Variants in TOX3 observed in about 807,000 individuals in gnomAD.
TOX3 encodes the protein TOX high mobility group box family member 3.
In TOX3, 22 loss-of-function variants were observed where a neutral mutation model predicts 64.3. That is an observed-to-expected ratio of 0.34 (90% CI 0.24 to 0.49). The LOEUF is 0.49. Ranked by LOEUF, TOX3 falls within the 20% of genes least tolerant of loss-of-function variation. The pLI, the probability that TOX3 is intolerant of heterozygous loss-of-function variation, is 0.99. For missense variants in TOX3, 661 were observed against 714.4 expected (o/e 0.93, Z 0.85); for synonymous variants, 291 against 273.6 (o/e 1.06, Z -0.63).
intron 1 of TOX3, among the ~76,000 whole-genome samples, chr16:52,537,807 G>A (rs1962987727): frequency 6.7e-6 from 1 of 149,712 alleles, no homozygotes; most frequent in African/African-American, 2.5e-5. Flanking sequence ...AAGAGGCTGA[G>A]CTGTGAGAAT....
At chr16:52,522,628 G>C (rs1211215020) in intron 1 of TOX3, among the ~76,000 whole-genome samples, 2 of 152,126 alleles carry the variant, frequency 1.3e-5, no homozygotes, top group Admixed American at 6.5e-5. Context: ...TGCAGGACAG[G>C]GTGACAGCTG....
intron 6 of TOX3, among the ~76,000 whole-genome samples, chr16:52,440,583 C>T (rs940534958): frequency 1.7e-4 from 26 of 152,052 alleles, no homozygotes; most frequent in South Asian, 2.1e-4. Context: ...TCTGTACTAA[C>T]GACTTTACCA....
At chr16:52,482,298 T>G (rs749635952) in intron 1 of TOX3, among the ~76,000 whole-genome samples, 23 of 152,208 alleles carry the variant, frequency 1.5e-4, no homozygotes, top group Non-Finnish European at 2.8e-4. Flanking sequence ...CACTGCATAC[T>G]AATACATTTA....
At chr16:52,506,126 A>C (rs2151467996) in intron 1 of TOX3, among the ~76,000 whole-genome samples, 1 of 152,258 alleles carries the variant, frequency 6.6e-6, no homozygotes, top group African/African-American at 2.4e-5. Flanking sequence ...TTAAATGCTA[A>C]GGCTATTTTA....
At chr16:52,445,784 T>C (rs1323649799) in intron 5 of TOX3, 3 of 540,704 alleles carry the variant, frequency 5.5e-6, no homozygotes, top group Admixed American at 3.4e-5. Flanking sequence ...GAATGGGTTC[T>C]GAACATGCAC....
chr16:52,538,898 T>C (rs1172912417), intron 1 of TOX3, among the ~76,000 whole-genome samples: 3 of 152,086 alleles, frequency 2.0e-5, no homozygotes, highest in African/African-American at 4.8e-5. Context: ...AGGGATAAGA[T>C]TAACCTGTGA....
chr16:52,450,576 A>T (rs746568952), intron 3 of TOX3, 30 bp from the exon 4 acceptor site: 1 of 1,612,294 alleles, frequency 6.2e-7, no homozygotes, highest in South Asian at 1.1e-5. Flanking sequence ...GGGGGAAAAT[A>T]TTTCAGCTTT....
At chr16:52,480,412 G>T (rs1220218410) in intron 1 of TOX3, among the ~76,000 whole-genome samples, 12 of 152,138 alleles carry the variant, frequency 7.9e-5, no homozygotes, top group Non-Finnish European at 2.9e-5. Context: ...AAGGACCTTA[G>T]AGACTTTCTG....
In TOX3 at chr16:52,444,297, G is replaced by A. The variant is rs1183718424; in HGVS notation, c.966C>T (p.Tyr322=). 6 of 1,586,412 alleles carry A rather than the reference G, an allele frequency of 3.8e-6. No individual in the cohort carries two copies. The highest frequency in any genetic ancestry group is 1.7e-5 in the Admixed American group (1 of 57,348). The change falls in exon 6 of 7, where the codon TAC becomes TAT. Residue 322 remains tyrosine, a synonymous_variant. Transcript: ENST00000219746. ...KKEYLKALAA[Y]RASLVSKAAA... Reference sequence around the variant, plus strand: ...TTACCTTAGAAACGAGGCTGGCCCTGTATGCCGCCAGGGCCTTCAGGTATT... The same window carrying A: ...TTACCTTAGAAACGAGGCTGGCCCTATATGCCGCCAGGGCCTTCAGGTATT...
intron 4 of TOX3, among the ~76,000 whole-genome samples, chr16:52,446,934 A>C (rs1883150057): frequency 6.6e-6 from 1 of 152,240 alleles, no homozygotes; most frequent in Admixed American, 6.5e-5. Context: ...GCAATAGTTG[A>C]TACTTAAAAA....
At position 52,446,022 on chromosome 16, in the gene TOX3, C is replaced by T; in HGVS notation, c.878G>A (p.Trp293Ter). ...CTTTTGTTCTTCTCCAAGGCTGTCC[C>T]ACATAGATGCTACAATTTTTGAGAC... ...GEVSKIVASM[W>*]DSLGEEQKQV... is the part of the protein sequence containing the mutation. The change falls in exon 5 of 7, where the codon TGG becomes TAG. Residue 293 changes from tryptophan (W) to a stop codon, truncating the protein, a stop_gained. Coordinates refer to ENST00000219746, the MANE Select transcript of TOX3 (RefSeq NM_001080430.4). LOFTEE classifies it high-confidence loss of function. 1 of 1,613,902 alleles carries T rather than the reference C, an allele frequency of 6.2e-7. No homozygotes were observed. Among genetic ancestry groups the T allele is most frequent in the Non-Finnish European group, 8.5e-7 (1 of 1,179,818 alleles).
intron 1 of TOX3, among the ~76,000 whole-genome samples, chr16:52,493,458 A>G (rs1224729828): frequency 6.6e-6 from 1 of 152,202 alleles, no homozygotes; most frequent in Non-Finnish European, 1.5e-5. Flanking sequence ...AAATAAATGT[A>G]TATATAAACT....
intron 2 of TOX3, among the ~76,000 whole-genome samples, chr16:52,464,478 A>G (rs1960794839): frequency 6.6e-6 from 1 of 152,228 alleles, no homozygotes; most frequent in Admixed American, 6.5e-5. Context: ...TAGTTGGAGC[A>G]TATAACAAAT....
intron 1 of TOX3, among the ~76,000 whole-genome samples, chr16:52,544,421 T>C (rs1963133129): frequency 6.6e-6 from 1 of 152,214 alleles, no homozygotes; most frequent in Admixed American, 6.5e-5. Flanking sequence ...TGTGGCTCAG[T>C]TTAAAGATAG....
At chr16:52,491,846 G>A (rs1961695410) in intron 1 of TOX3, among the ~76,000 whole-genome samples, 1 of 152,164 alleles carries the variant, frequency 6.6e-6, no homozygotes, top group South Asian at 2.1e-4. Context: ...CATCAAAGAT[G>A]AGAAGATGAC....
intron 1 of TOX3, among the ~76,000 whole-genome samples, chr16:52,490,196 T>C (rs997191167): frequency 6.6e-6 from 1 of 152,108 alleles, no homozygotes; most frequent in Non-Finnish European, 1.5e-5. Context: ...GGTGTAAAAG[T>C]GTGTGGCACT....
Position 52,487,357 on chromosome 16 carries a change from G to T in TOX3, c.88-18783C>A, listed in dbSNP as rs529602754. Among the ~76,000 whole-genome samples, 51 of 151,976 alleles carry T rather than the reference G, an allele frequency of 3.4e-4. 1 individual carries two copies. The highest frequency in any genetic ancestry group is 1.2e-3 in the African/African-American group (51 of 41,464). On this transcript the variant is annotated intron_variant, in intron 1 of 6. Transcript: ENST00000219746. Reference sequence around the variant, plus strand: ...AAAAGACATCCCTTCATCATGAATGGTGGCAAAATGAAGAAAAATAAGCTT... The same window carrying T: ...AAAAGACATCCCTTCATCATGAATGTTGGCAAAATGAAGAAAAATAAGCTT...
At chr16:52,511,266 G>A (rs1173273114) in intron 1 of TOX3, among the ~76,000 whole-genome samples, 2 of 152,166 alleles carry the variant, frequency 1.3e-5, no homozygotes, top group Non-Finnish European at 2.9e-5. Flanking sequence ...GGCCGAGAAG[G>A]GTGGATCACG....
In TOX3 at chr16:52,446,003, T is replaced by A. The variant is rs1960150860; in HGVS notation, c.897A>T (p.Glu299Asp). Residue 299 changes from glutamate (E) to aspartate (D), a missense_variant, in exon 5 of 7, where the codon GAA (glutamate) becomes GAT (aspartate). This residue lies in a region of TOX3 where 103 missense variants were observed against 161.2 expected (regional missense o/e 0.64). Transcript: ENST00000219746. ...VASMWDSLGE[E>D]QKQVYKRKTE... ...TGGGTCTTTGTCTCACCTGCTTTTG[T>A]TCTTCTCCAAGGCTGTCCCACATAG... 6.2e-7 allele frequency: 1 copy of A among 1,613,164 alleles called. No individual in the cohort carries two copies. The highest frequency in any genetic ancestry group is 1.3e-5 in the African/African-American group (1 of 74,926).
Sources: allele counts gnomAD v4.1 joint callset (sites outside exome capture counted in the v4.1 genomes callset), GRCh38; gene constraint gnomAD v4.1.1; regional missense constraint gnomAD v4.1.1; transcripts MANE v1.5; gene names NCBI Gene and HGNC (gene_info 2026-07-23, HGNC 2026-07-21).